The following ARHGEF26 variants were observed in gnomAD, a reference collection of about 807,000 sequenced individuals.
ARHGEF26 encodes Rho guanine nucleotide exchange factor (GEF) 26.
Under a neutral mutation model 89.4 loss-of-function variants are expected in ARHGEF26, and 59 were observed. That is an observed-to-expected ratio of 0.66 (90% CI 0.54 to 0.82). The LOEUF is 0.82. Among genes scored for constraint, ARHGEF26 ranks in the 40% least tolerant of loss-of-function variants. The probability of loss-of-function intolerance (pLI) is 0.00; values close to 1 mark genes in which losing one functional copy is unlikely to be tolerated. For missense variants in ARHGEF26, 1,234 were observed against 1,085.6 expected, an observed-to-expected ratio of 1.14 and a Z score of -1.92; for synonymous variants, 500 against 428.4, an observed-to-expected ratio of 1.17 and a Z score of -2.06.
intron 4 of ARHGEF26, among the ~76,000 whole-genome samples, chr3:154,144,317 C>CT (rs1214788295): frequency 6.6e-6 from 1 of 152,112 alleles, no homozygotes; most frequent in Non-Finnish European, 1.5e-5. Flanking sequence ...TGTCTCCGTT[C>CT]TTTATTTGTA....
intron 3 of ARHGEF26, among the ~76,000 whole-genome samples, chr3:154,129,287 A>AT (rs1399733154): frequency 6.6e-6 from 1 of 152,194 alleles, no homozygotes; most frequent in Non-Finnish European, 1.5e-5. Flanking sequence ...AATTACAGTG[A>AT]TTTAACAGGC....
At chr3:154,195,507 AG>A (rs1227390200) in intron 9 of ARHGEF26, among the ~76,000 whole-genome samples, 4 of 152,180 alleles carry the variant, frequency 2.6e-5, no homozygotes, top group Non-Finnish European at 5.9e-5. Flanking sequence ...CATGATGGTA[AG>A]GTGGTGAGAA....
At chr3:154,253,078 A>T in intron 12 of ARHGEF26, 38 bp from the exon 13 acceptor site, 1 of 1,611,118 alleles carries the variant, frequency 6.2e-7, no homozygotes, top group Non-Finnish European at 8.5e-7. Context: ...GTGTTTTTAC[A>T]CCTTGAGTCT....
chr3:154,256,886 T>TTATC lies in ARHGEF26; in HGVS notation c.*1415_*1418dup, dbSNP rs567696505. On this transcript the variant is annotated 3_prime_UTR_variant, in exon 15 of 15. Coordinates refer to ENST00000465093, the MANE Select transcript of ARHGEF26 (RefSeq NM_015595.4). ...CCACTAGTGCACAGAGAGAGAAAGGTTATCTTAATAGTCGGTTTCATGGAG... is the reference window on the plus strand; with the variant it reads ...CCACTAGTGCACAGAGAGAGAAAGGTTATCTATCTTAATAGTCGGTTTCATGGAG... The TTATC allele has an allele frequency of 4.0e-4, 620 of 1,535,206 alleles. 1 individual carries two copies. In the African/African-American group the frequency reaches 7.7e-3, roughly 19 times the overall value.
intron 4 of ARHGEF26, among the ~76,000 whole-genome samples, chr3:154,149,110 A>G (rs1002231790): frequency 2.0e-5 from 3 of 152,144 alleles, no homozygotes; most frequent in African/African-American, 4.8e-5. Context: ...TGTTACCCCC[A>G]TCTGTGAAAT....
intron 12 of ARHGEF26, among the ~76,000 whole-genome samples, chr3:154,246,771 A>G (rs1335830056): frequency 6.6e-6 from 1 of 152,174 alleles, no homozygotes; most frequent in Non-Finnish European, 1.5e-5. Context: ...TAGAAATGTT[A>G]TATTTTGGAG....
chr3:154,214,952 A>C (rs1038138289), intron 9 of ARHGEF26, among the ~76,000 whole-genome samples: 1 of 152,232 alleles, frequency 6.6e-6, no homozygotes, highest in Non-Finnish European at 1.5e-5. Flanking sequence ...CTAAAAACCA[A>C]GTGAGCAATT....
chr3:154,194,951 G>A (rs1714196863), intron 9 of ARHGEF26, among the ~76,000 whole-genome samples: 1 of 152,144 alleles, frequency 6.6e-6, no homozygotes, highest in Non-Finnish European at 1.5e-5. Context: ...TTTTCTTTTG[G>A]TGGCTGAATA....
At chr3:154,179,531 C>CTG (rs1713053687) in intron 6 of ARHGEF26, among the ~76,000 whole-genome samples, 1 of 152,044 alleles carries the variant, frequency 6.6e-6, no homozygotes, top group Non-Finnish European at 1.5e-5. Flanking sequence ...GCTAGCCTCT[C>CTG]TGAGAACTAG....
chr3:154,246,667 A>G (rs1021603834), intron 12 of ARHGEF26, among the ~76,000 whole-genome samples: 2 of 152,158 alleles, frequency 1.3e-5, no homozygotes, highest in African/African-American at 4.8e-5. Flanking sequence ...CAGAAGTTTC[A>G]GTGGGGCAAA....
intron 12 of ARHGEF26, among the ~76,000 whole-genome samples, chr3:154,241,889 G>A (rs995579941): frequency 6.6e-6 from 1 of 152,192 alleles, no homozygotes; most frequent in Admixed American, 6.5e-5. Context: ...GGATATTCTT[G>A]CCAAATTGAC....
rs528980755 is a variant in ARHGEF26 at position 154,207,024 on chromosome 3, TTAAA to T, written c.1846-10839_1846-10836del. On this transcript the variant is annotated intron_variant, in intron 9 of 14. Coordinates refer to ENST00000465093, the MANE Select transcript of ARHGEF26 (RefSeq NM_015595.4). ...CAGACTGTGGAGAAAGGATTTCCTA[TTAAA>T]TAAATGGTACTGGAAGAACTGGCTA... Among the ~76,000 whole-genome samples the T allele has an allele frequency of 1.3e-3, 203 of 152,276 alleles. 3 individuals are homozygous for T. The highest frequency in any genetic ancestry group is 4.5e-3 in the African/African-American group (188 of 41,556).
intron 2 of ARHGEF26, 134 bp downstream of exon 2, chr3:154,123,209 GT>G: frequency 7.5e-7 from 1 of 1,335,730 alleles, no homozygotes; most frequent in Non-Finnish European, 1.0e-6. Flanking sequence ...TTGATTGCTA[GT>G]GTACATCCAG....
chr3:154,125,353 T>C (rs1718265723), intron 3 of ARHGEF26, among the ~76,000 whole-genome samples: 1 of 152,216 alleles, frequency 6.6e-6, no homozygotes, highest in South Asian at 2.1e-4. Context: ...CTATAAAAAT[T>C]CATTCACCGC....
chr3:154,204,659 A>G (rs1379303243), intron 9 of ARHGEF26, among the ~76,000 whole-genome samples: 3 of 151,972 alleles, frequency 2.0e-5, no homozygotes, highest in Non-Finnish European at 4.4e-5. Context: ...ATTCACTTAC[A>G]GCTATAAAAT....
chr3:154,140,087 G>T (rs1027119935), intron 4 of ARHGEF26, among the ~76,000 whole-genome samples: 5 of 112,918 alleles, frequency 4.4e-5, no homozygotes, highest in African/African-American at 1.8e-4. Context: ...GCAACAGGGA[G>T]CCCTTATATC....
chr3:154,138,755 A>G (rs1201442761), intron 4 of ARHGEF26, among the ~76,000 whole-genome samples: 1 of 152,196 alleles, frequency 6.6e-6, no homozygotes, highest in Non-Finnish European at 1.5e-5. Flanking sequence ...TAGAAAATCG[A>G]TGAGAGAGAT....
At chr3:154,189,730 C>G (rs1173870811) in intron 7 of ARHGEF26, among the ~76,000 whole-genome samples, 1 of 152,134 alleles carries the variant, frequency 6.6e-6, no homozygotes, top group African/African-American at 2.4e-5. Flanking sequence ...CAAATGTACA[C>G]TGTCCAGAGT....
intron 9 of ARHGEF26, among the ~76,000 whole-genome samples, chr3:154,202,960 T>G (rs1714747647): frequency 6.6e-6 from 1 of 152,158 alleles, no homozygotes; most frequent in African/African-American, 2.4e-5. Context: ...ACAATTTGAC[T>G]TCCTGTTTTC....
Sources: allele counts gnomAD v4.1 joint callset (sites outside exome capture counted in the v4.1 genomes callset), GRCh38; gene constraint gnomAD v4.1.1; transcripts MANE v1.5; gene names NCBI Gene and HGNC (gene_info 2026-07-23, HGNC 2026-07-21).